SHANK2: variants seen among roughly 807,000 people sequenced by gnomAD.
The protein encoded by SHANK2 is SH3 and multiple ankyrin repeat domains protein 2.
SHANK2 carries 43 observed loss-of-function variants against 133.7 expected under a neutral mutation model. The ratio of observed to expected loss-of-function variants is 0.32; its 90% CI spans 0.25 to 0.41. The LOEUF (loss-of-function observed/expected upper bound fraction) is 0.41. Ranked by LOEUF, SHANK2 falls within the 10% of genes least tolerant of loss-of-function variation. The pLI is 1.00. For synonymous variants in SHANK2, 1,017 were observed against 952.8 expected (o/e 1.07, Z -1.24); for missense variants, 1,994 against 2,235.8 (o/e 0.89, Z 2.18).
intron 14 of SHANK2, among the ~76,000 whole-genome samples, chr11:70,733,755 G>A (rs782629089): frequency 2.0e-5 from 3 of 152,198 alleles, no homozygotes; most frequent in African/African-American, 7.2e-5. Context: ...AGAGGGACCC[G>A]GGAAGGAGGG....
intron 1 of SHANK2, among the ~76,000 whole-genome samples, chr11:71,234,362 A>AAAATAAGTAAAT (rs376656196): frequency 7.1e-6 from 1 of 141,056 alleles, no homozygotes; most frequent in East Asian, 2.1e-4. Flanking sequence ...ACTCATCTCA[A>AAAATAAGTAAAT]AAATAAATAA....
upstream of SHANK2, among the ~76,000 whole-genome samples, chr11:71,253,046 G>A (rs1336038827): frequency 6.6e-6 from 1 of 152,200 alleles, no homozygotes; most frequent in Non-Finnish European, 1.5e-5. Flanking sequence ...CGGGTGATAC[G>A]CCGGCGTCTG....
chr11:70,600,636 C>A (rs1271055532), intron 17 of SHANK2, among the ~76,000 whole-genome samples: 1 of 152,064 alleles, frequency 6.6e-6, no homozygotes, highest in Non-Finnish European at 1.5e-5. Flanking sequence ...CACAGACCTG[C>A]ATCCATGTGG....
intron 6 of SHANK2, among the ~76,000 whole-genome samples, chr11:71,107,976 G>A (rs149865327): frequency 7.8e-4 from 119 of 152,294 alleles, no homozygotes; most frequent in Non-Finnish European, 1.2e-3. Context: ...CCAGTCCCCC[G>A]CAGCAGCATC....
rs192597952 is a variant in SHANK2 at position 70,707,566 on chromosome 11, C to T, written c.1778-8803G>A. ...AGTCCATCTTTAGACAAGACAAGCTCGAGCTTAAATCTCTCGCTAGCTACA... is the reference window on the plus strand; with the variant it reads ...AGTCCATCTTTAGACAAGACAAGCTTGAGCTTAAATCTCTCGCTAGCTACA... On this transcript the variant is annotated intron_variant, in intron 14 of 25. Coordinates refer to ENST00000601538, the MANE Select transcript of SHANK2 (RefSeq NM_012309.5). Among the ~76,000 whole-genome samples the T allele has an allele frequency of 7.8e-4, 118 of 152,058 alleles. 1 individual carries two copies. Among genetic ancestry groups the T allele is most frequent in the Non-Finnish European group, 1.4e-3 (95 of 68,000 alleles).
chr11:70,591,983 A>C (rs2060328720), intron 17 of SHANK2, among the ~76,000 whole-genome samples: 1 of 152,154 alleles, frequency 6.6e-6, no homozygotes, highest in Admixed American at 6.5e-5. Flanking sequence ...GCACCATCCA[A>C]GATCGCGCCA....
intron 12 of SHANK2, among the ~76,000 whole-genome samples, chr11:70,809,806 T>C (rs1237383374): frequency 6.6e-6 from 1 of 152,196 alleles, no homozygotes; most frequent in Non-Finnish European, 1.5e-5. Flanking sequence ...TTACCTGGGC[T>C]CTGAGGACAT....
At position 70,689,077 on chromosome 11, in the gene SHANK2, C is replaced by T. The variant is rs186048228; in HGVS notation, c.1853+9611G>A. ...CTGAGCTCTGCCGTGAGAGCAGTTA[C>T]GTGCAGAGATCTGCCCATACCTGGC... On this transcript the variant is annotated intron_variant, in intron 15 of 25. Transcript: ENST00000601538. Among the ~76,000 whole-genome samples, 37 of 152,294 alleles carry T rather than the reference C, an allele frequency of 2.4e-4. 1 individual carries two copies. The highest frequency in any genetic ancestry group is 3.4e-3 in the Middle Eastern group (1 of 294).
At chr11:71,204,874 C>T (rs551945612) in intron 2 of SHANK2, among the ~76,000 whole-genome samples, 4 of 152,218 alleles carry the variant, frequency 2.6e-5, no homozygotes, top group African/African-American at 7.2e-5. Context: ...TGACCACGGC[C>T]GGGCAGGGAA....
chr11:70,922,545 A>T (rs1259344553), intron 10 of SHANK2, among the ~76,000 whole-genome samples: 1 of 152,218 alleles, frequency 6.6e-6, no homozygotes, highest in African/African-American at 2.4e-5. Context: ...GTCTTTCAAA[A>T]GAAACTAGAT....
intron 12 of SHANK2, among the ~76,000 whole-genome samples, chr11:70,809,063 G>A (rs1555052642): frequency 6.6e-6 from 1 of 152,208 alleles, no homozygotes; most frequent in African/African-American, 2.4e-5. Context: ...GCAACACAAA[G>A]TACTCTGAGA....
chr11:70,884,084 A>G (rs1949699436), intron 11 of SHANK2, among the ~76,000 whole-genome samples: 1 of 152,230 alleles, frequency 6.6e-6, no homozygotes, highest in Admixed American at 6.5e-5. Flanking sequence ...GGATGCAGAG[A>G]GCAAGAGGAG....
intron 2 of SHANK2, among the ~76,000 whole-genome samples, chr11:71,148,985 T>TGGCCGTGCA (rs1342393904): frequency 1.3e-5 from 2 of 152,068 alleles, no homozygotes; most frequent in African/African-American, 4.8e-5. Flanking sequence ...TGGGCCGCGC[T>TGGCCGTGCA]GCTTGGAGCC....
chr11:70,953,576 C>A (rs1221243668), intron 10 of SHANK2, among the ~76,000 whole-genome samples: 1 of 152,060 alleles, frequency 6.6e-6, no homozygotes, highest in Admixed American at 6.5e-5. Flanking sequence ...AAGGAAGCAT[C>A]CAGCATGGGA....
At chr11:70,683,746 G>A (rs1457237171) in intron 15 of SHANK2, among the ~76,000 whole-genome samples, 1 of 151,834 alleles carries the variant, frequency 6.6e-6, no homozygotes, top group Non-Finnish European at 1.5e-5. Context: ...TGCCTCTGTG[G>A]TCATGTGGCT....
chr11:70,926,653 G>A (rs1450415189), intron 10 of SHANK2, among the ~76,000 whole-genome samples: 1 of 152,128 alleles, frequency 6.6e-6, no homozygotes, highest in Non-Finnish European at 1.5e-5. Context: ...CTAAAGAGAT[G>A]GCAAAAAGGA....
intron 14 of SHANK2, 25 bp from the exon 15 acceptor site, chr11:70,698,788 C>G (rs192953165): frequency 5.6e-6 from 4 of 718,440 alleles, no homozygotes; most frequent in Non-Finnish European, 1.0e-5. Flanking sequence ...AAGAGAAACA[C>G]CATTCAGAAA....
In SHANK2 at chr11:70,473,577, G is replaced by A. The variant is rs2058625387; in HGVS notation, c.4980-138C>T. 15 of 801,074 alleles carry A rather than the reference G, an allele frequency of 1.9e-5. No homozygotes were observed. The highest frequency in any genetic ancestry group is 8.3e-5 in the East Asian group (3 of 36,204). 49.6% of individuals were successfully genotyped at this position (801,074 alleles called of 1,614,324 possible). On this transcript the variant is annotated intron_variant, in intron 25 of 25. Coordinates refer to ENST00000601538, the MANE Select transcript of SHANK2 (RefSeq NM_012309.5). The surrounding 1 kb of genome is among the most constrained non-coding windows in gnomAD (Gnocchi z 5.9). ...AGTGGCAGATCCACTGGCAGTGAACGAATGATTTGCCATGCCAGGGTGGGG... is the reference window on the plus strand; with the variant it reads ...AGTGGCAGATCCACTGGCAGTGAACAAATGATTTGCCATGCCAGGGTGGGG...
intron 22 of SHANK2, among the ~76,000 whole-genome samples, chr11:70,491,793 C>T (rs1007149022): frequency 1.3e-5 from 2 of 152,210 alleles, no homozygotes; most frequent in Non-Finnish European, 2.9e-5. Flanking sequence ...GTGTGCCCTC[C>T]TGACTGCCTA....
Sources: allele counts gnomAD v4.1 joint callset (sites outside exome capture counted in the v4.1 genomes callset), GRCh38; gene constraint gnomAD v4.1.1; non-coding constraint Gnocchi (gnomAD v3.1); transcripts MANE v1.5; gene names NCBI Gene and HGNC (gene_info 2026-07-23, HGNC 2026-07-21).